The following ATG4C variants were observed in gnomAD, a reference collection of about 807,000 sequenced individuals.
ATG4C encodes autophagy related 4C cysteine peptidase, also known as cysteine protease ATG4C.
In ATG4C, 56 loss-of-function variants were observed where a neutral mutation model predicts 57.6. The observed-to-expected ratio is 0.97, with a 90% CI of 0.78 to 1.21. The LOEUF (loss-of-function observed/expected upper bound fraction) is 1.21, where lower values mean the gene tolerates loss of function less well. ATG4C is among the 50% of genes most tolerant of loss of function. The pLI, the probability that ATG4C is intolerant of heterozygous loss-of-function variation, is 0.00. For synonymous variants in ATG4C, 157 were observed against 174.1 expected (o/e 0.90, Z 0.78); for missense variants, 595 against 529.8 (o/e 1.12, Z -1.21).
intron 1 of ATG4C, among the ~76,000 whole-genome samples, chr1:62,790,853 A>G (rs1664253853): frequency 6.6e-6 from 1 of 152,244 alleles, no homozygotes; most frequent in East Asian, 1.9e-4. Context: ...GTTTGTGAAC[A>G]TTTTAAACAA....
At chr1:62,786,238 T>C (rs546850771) in intron 1 of ATG4C, among the ~76,000 whole-genome samples, 2 of 152,308 alleles carry the variant, frequency 1.3e-5, no homozygotes, top group South Asian at 4.1e-4. Context: ...AATCAACATA[T>C]GCTTACTGAG....
chr1:62,792,663 C>T (rs6657392), intron 1 of ATG4C, among the ~76,000 whole-genome samples: 151,778 of 152,368 alleles, frequency 1, 75,597 homozygotes, highest in Middle Eastern at 1. Context: ...TTTAAAACAT[C>T]ATCAGGCTTT....
At chr1:62,792,659 AC>A (rs1359633910) in intron 1 of ATG4C, among the ~76,000 whole-genome samples, 1 of 152,196 alleles carries the variant, frequency 6.6e-6, no homozygotes, top group Non-Finnish European at 1.5e-5. Context: ...ACAGTTTAAA[AC>A]ATCATCAGGC....
chr1:62,793,579 A>G (rs1284829565), intron 1 of ATG4C, among the ~76,000 whole-genome samples: 2 of 138,634 alleles, frequency 1.4e-5, no homozygotes, highest in African/African-American at 2.6e-5. Context: ...CCTGGGCAAC[A>G]GAGTAAGACC....
chr1:62,860,041 T>C (rs1224578606), intron 10 of ATG4C, among the ~76,000 whole-genome samples: 1 of 152,224 alleles, frequency 6.6e-6, no homozygotes, highest in African/African-American at 2.4e-5. Flanking sequence ...AGATTTTTTC[T>C]ATTTTTAAAA....
intron 6 of ATG4C, 39 bp from the exon 7 acceptor site, chr1:62,829,001 T>C (rs2100331332): frequency 6.5e-7 from 1 of 1,541,586 alleles, no homozygotes; most frequent in East Asian, 2.4e-5. Flanking sequence ...AAATCGCTTT[T>C]ATATAAAATT....
intron 10 of ATG4C, among the ~76,000 whole-genome samples, chr1:62,863,120 A>T (rs1238906468): frequency 6.6e-6 from 1 of 152,020 alleles, no homozygotes; most frequent in Non-Finnish European, 1.5e-5. Context: ...AGAAATATTT[A>T]AAATTGTTTA....
intron 1 of ATG4C, among the ~76,000 whole-genome samples, chr1:62,801,183 C>T (rs1488861022): frequency 2.0e-5 from 3 of 152,128 alleles, no homozygotes; most frequent in Non-Finnish European, 1.5e-5. Context: ...AAATATCATC[C>T]TTAAGTACCA....
intron 10 of ATG4C, among the ~76,000 whole-genome samples, chr1:62,858,884 A>G (rs1258287116): frequency 6.6e-6 from 1 of 152,202 alleles, no homozygotes; most frequent in Non-Finnish European, 1.5e-5. Flanking sequence ...GTTCGACTAT[A>G]TGAGCTCTTG....
At chr1:62,861,924 A>G (rs1052053476) in intron 10 of ATG4C, among the ~76,000 whole-genome samples, 2 of 152,162 alleles carry the variant, frequency 1.3e-5, no homozygotes, top group Non-Finnish European at 2.9e-5. Flanking sequence ...GGTTTTGACA[A>G]TGTAGCCATT....
chr1:62,814,543 T>C (rs1665199322), intron 3 of ATG4C, among the ~76,000 whole-genome samples: 1 of 152,188 alleles, frequency 6.6e-6, no homozygotes, highest in South Asian at 2.1e-4. Context: ...TGTATACCTA[T>C]GTAACAAACC....
rs745791785 is a variant in ATG4C, at chr1:62,816,800, T to G, written c.386T>G (p.Leu129Arg). Residue 129 changes from leucine to arginine, a missense_variant, in exon 4 of 11, where the codon CTT becomes CGT. By Grantham distance (102) the Leu-to-Arg change is moderately radical. Transcript: ENST00000317868. ...GCTCAAGGACTCATACTACACTTTCTTGGTAGAGGTAAATCAAATTTCTGT... is the reference window on the plus strand; with the variant it reads ...GCTCAAGGACTCATACTACACTTTCGTGGTAGAGGTAAATCAAATTTCTGT... ...LLAQGLILHF[L>R]GRAWTWPDAL... 1 of 1,536,670 alleles carries G rather than the reference T, an allele frequency of 6.5e-7. No individual in the cohort carries two copies. The highest frequency in any genetic ancestry group is 1.2e-5 in the South Asian group (1 of 80,246).
At chr1:62,841,300 C>A in intron 9 of ATG4C, 128 bp from the exon 10 acceptor site, 1 of 825,658 alleles carries the variant, frequency 1.2e-6, no homozygotes, top group Non-Finnish European at 1.8e-6. Context: ...GTAGGATGAA[C>A]TAAAACACCA....
chr1:62,850,838 A>G (rs1312997422), intron 10 of ATG4C, among the ~76,000 whole-genome samples: 3 of 73,500 alleles, frequency 4.1e-5, no homozygotes, highest in Non-Finnish European at 2.7e-5. Context: ...TCATGTATGT[A>G]TGTGTGTGTA....
intron 4 of ATG4C, 127 bp from the exon 5 acceptor site, chr1:62,818,878 A>G (rs1557972804): frequency 5.7e-6 from 4 of 703,862 alleles, no homozygotes; most frequent in South Asian, 2.4e-5. Flanking sequence ...GTTTCCATGT[A>G]TTTACCTATT....
At chr1:62,850,016 T>G (rs1666453833) in intron 10 of ATG4C, among the ~76,000 whole-genome samples, 1 of 152,190 alleles carries the variant, frequency 6.6e-6, no homozygotes, top group Non-Finnish European at 1.5e-5. Context: ...ATTTTATGAG[T>G]ACTATTTAGA....
chr1:62,819,737 A>T (rs1011025722), intron 5 of ATG4C, among the ~76,000 whole-genome samples: 2 of 151,960 alleles, frequency 1.3e-5, no homozygotes, highest in Non-Finnish European at 2.9e-5. Flanking sequence ...GCTAAAATTG[A>T]TATTTTCGGC....
Position 62,792,385 on chromosome 1 carries a change from G to T in ATG4C, c.-69+8112G>T, listed in dbSNP as rs1363033872. The stretch of plus-strand genomic sequence containing the variant: ...AGTCTTCTGATCAGTTGAAGGAATT[G>T]GGACATTTAATGTAGAAAAGAGAAG... On this transcript the variant is annotated intron_variant, in intron 1 of 10. Transcript: ENST00000317868. 2.0e-5 allele frequency among the ~76,000 whole-genome samples: 3 copies of T among 152,164 alleles called. No individual in the cohort carries two copies. The East Asian group carries it at 5.8e-4, about 29-fold the overall frequency.
Position 62,790,002 on chromosome 1 carries a change from C to T in ATG4C, c.-69+5729C>T, listed in dbSNP as rs1033430545. Among the ~76,000 whole-genome samples the T allele has an allele frequency of 2.1e-4, 32 of 151,856 alleles. 3 individuals are homozygous for T. The highest frequency in any genetic ancestry group is 1.9e-3 in the Admixed American group (29 of 15,262). On this transcript the variant is annotated intron_variant, in intron 1 of 10. Coordinates refer to ENST00000317868, the MANE Select transcript of ATG4C (RefSeq NM_032852.4). ...GGATCTTGGCTCACCGCAACCTCTG[C>T]CTCCTGGGTTCAAGCGATTCTCCTG...
Sources: gnomAD v4.1 joint callset for allele counts (sites outside exome capture counted in the v4.1 genomes callset) on GRCh38, gnomAD v4.1.1 for gene constraint, MANE v1.5 for transcripts, NCBI Gene and HGNC (gene_info 2026-07-23, HGNC 2026-07-21) for gene names.